Variants in TENM4 observed in about 807,000 individuals in gnomAD.
TENM4 encodes teneurin-4.
In TENM4, 82 loss-of-function variants were observed where a neutral mutation model predicts 243.3. That is an observed-to-expected ratio of 0.34 (90% CI 0.28 to 0.40). The LOEUF is 0.40. Ranked by LOEUF, TENM4 falls within the 10% of genes least tolerant of loss-of-function variation. TENM4 has a pLI of 1.00. For synonymous variants in TENM4, 1,412 were observed against 1,456.3 expected (o/e 0.97, Z 0.69); for missense variants, 3,138 against 3,673.3 (o/e 0.85, Z 3.77).
chr11:78,878,412 CA>C (rs1335307284), intron 9 of TENM4, among the ~76,000 whole-genome samples: 1 of 152,162 alleles, frequency 6.6e-6, no homozygotes, highest in Non-Finnish European at 1.5e-5. Context: ...AGGAGCACCA[CA>C]AGCACCATAA....
chr11:78,771,930 C>T, intron 17 of TENM4, among the ~76,000 whole-genome samples: 1 of 152,190 alleles, frequency 6.6e-6, no homozygotes, highest in East Asian at 1.9e-4. Flanking sequence ...TTTGGGCTAG[C>T]ACTGGAGGTA....
At chr11:79,425,808 GT>G (rs1257378606) in intron 1 of TENM4, among the ~76,000 whole-genome samples, 3 of 152,196 alleles carry the variant, frequency 2.0e-5, no homozygotes, top group Non-Finnish European at 4.4e-5. Context: ...TTCTGAACAA[GT>G]GAATTTAATT....
chr11:78,903,973 A>G, intron 6 of TENM4: 1 of 399,372 alleles, frequency 2.5e-6, no homozygotes, highest in Non-Finnish European at 4.8e-6. Flanking sequence ...AACTGATTTT[A>G]CAAACCCTCC....
At chr11:79,258,077 T>C (rs997837615) in intron 2 of TENM4, among the ~76,000 whole-genome samples, 1 of 152,126 alleles carries the variant, frequency 6.6e-6, no homozygotes, top group Non-Finnish European at 1.5e-5. Flanking sequence ...CCCCCTTACA[T>C]TAATGGGGAG....
intron 12 of TENM4, among the ~76,000 whole-genome samples, chr11:78,815,289 G>A (rs540457547): frequency 1.3e-5 from 2 of 152,270 alleles, no homozygotes; most frequent in Admixed American, 6.5e-5. Context: ...AGGAGGATGA[G>A]GTGGGAGACT....
intron 6 of TENM4, among the ~76,000 whole-genome samples, chr11:79,039,708 G>A (rs879458395): frequency 6.6e-6 from 1 of 152,152 alleles, no homozygotes; most frequent in Admixed American, 6.5e-5. Flanking sequence ...CTAGATGATG[G>A]GTTGAAAGGT....
At chr11:78,695,643 G>A (rs1565336116) in intron 28 of TENM4, among the ~76,000 whole-genome samples, 1 of 151,516 alleles carries the variant, frequency 6.6e-6, no homozygotes, top group South Asian at 2.1e-4. Flanking sequence ...GATTACAGGT[G>A]TGAGCCACTG....
chr11:79,286,215 G>T (rs1251957687), intron 2 of TENM4, among the ~76,000 whole-genome samples: 2 of 152,144 alleles, frequency 1.3e-5, no homozygotes, highest in African/African-American at 4.8e-5. Context: ...GAAAAAAAGA[G>T]AAAGGGAGCG....
chr11:78,851,026 T>C (rs1376217712), intron 12 of TENM4, among the ~76,000 whole-genome samples: 1 of 152,220 alleles, frequency 6.6e-6, no homozygotes. Context: ...TCATATTTTC[T>C]GGAGAAAAGG....
intron 2 of TENM4, among the ~76,000 whole-genome samples, chr11:79,284,275 T>C (rs983003874): frequency 6.6e-6 from 1 of 152,206 alleles, no homozygotes; most frequent in Non-Finnish European, 1.5e-5. Flanking sequence ...AAGAACAACG[T>C]TGGAGGAACC....
intron 27 of TENM4, among the ~76,000 whole-genome samples, chr11:78,704,276 G>A (rs1221823820): frequency 6.7e-6 from 1 of 149,722 alleles, no homozygotes; most frequent in Non-Finnish European, 1.5e-5. Context: ...GTGGCCTTCC[G>A]AAGTACAGGG....
chr11:78,751,362 T>C (rs970214320), intron 19 of TENM4, among the ~76,000 whole-genome samples: 5 of 152,206 alleles, frequency 3.3e-5, no homozygotes, highest in Non-Finnish European at 5.9e-5. Context: ...TGGGGCTCAG[T>C]GTCTCCTGTC....
At chr11:79,439,582 C>A (rs980320992) in intron 1 of TENM4, among the ~76,000 whole-genome samples, 1 of 151,766 alleles carries the variant, frequency 6.6e-6, no homozygotes, top group Non-Finnish European at 1.5e-5. Flanking sequence ...CCGACCCCCC[C>A]GCCAAGAAGG....
At chr11:79,030,210 A>G (rs1219253650) in intron 6 of TENM4, among the ~76,000 whole-genome samples, 1 of 152,182 alleles carries the variant, frequency 6.6e-6, no homozygotes, top group Non-Finnish European at 1.5e-5. Context: ...AGCCACTTAC[A>G]TGGATTATTT....
chr11:79,104,361 CA>C (rs1298959780), intron 4 of TENM4, among the ~76,000 whole-genome samples: 2 of 152,222 alleles, frequency 1.3e-5, no homozygotes, highest in Admixed American at 6.5e-5. Context: ...CTCAGAATCA[CA>C]ATTAACATCT....
intron 4 of TENM4, among the ~76,000 whole-genome samples, chr11:79,090,405 A>T (rs112526145): frequency 3.7e-4 from 57 of 152,386 alleles, no homozygotes; most frequent in African/African-American, 1.2e-3. Flanking sequence ...TAAATGCAAC[A>T]TGCAGACACC....
Position 78,903,496 on chromosome 11 carries a change from G to C in TENM4, c.521C>G (p.Ala174Gly), listed in dbSNP as rs757424213. ...CGGCGGCGGCGGCGTCCGGAGCCGCGCGTGGTTCTGCAGGCCGCCCGGATG... is the reference window on the plus strand; with the variant it reads ...CGGCGGCGGCGGCGTCCGGAGCCGCCCGTGGTTCTGCAGGCCGCCCGGATG... ...TDHPGGLQNHARLRTPPPPLS... is the reference protein window; with the variant it reads ...TDHPGGLQNHGRLRTPPPPLS... Residue 174 changes from alanine to glycine, a missense_variant, in exon 7 of 34, where the codon GCG becomes GGG. Physicochemically the swap from Ala to Gly is moderately conservative, Grantham distance 60 (BLOSUM62 0). Transcript: ENST00000278550. 1.7e-5 allele frequency: 27 copies of C among 1,547,610 alleles called. No homozygotes were observed. Among genetic ancestry groups the C allele is most frequent in the Non-Finnish European group, 2.3e-5 (26 of 1,146,482 alleles).
intron 1 of TENM4, among the ~76,000 whole-genome samples, chr11:79,396,033 G>A (rs1217205503): frequency 1.3e-5 from 2 of 152,156 alleles, no homozygotes; most frequent in Non-Finnish European, 2.9e-5. Flanking sequence ...CAAACATCAA[G>A]TCCTCATGCA....
chr11:79,238,135 C>T (rs887400627), intron 2 of TENM4, among the ~76,000 whole-genome samples: 31 of 152,166 alleles, frequency 2.0e-4, no homozygotes, highest in African/African-American at 6.3e-4. Context: ...TATGCACTCA[C>T]GGTTTGGGAG....
Sources: gnomAD v4.1 joint callset for allele counts (sites outside exome capture counted in the v4.1 genomes callset) on GRCh38, gnomAD v4.1.1 for gene constraint, MANE v1.5 for transcripts, NCBI Gene and HGNC (gene_info 2026-07-23, HGNC 2026-07-21) for gene names.